KLHL32: variants seen among roughly 807,000 people sequenced by gnomAD.
KLHL32 encodes the protein kelch-like protein 32.
In KLHL32, 35 loss-of-function variants were observed where a neutral mutation model predicts 64.8. That is an observed-to-expected ratio of 0.54 (90% confidence interval 0.41 to 0.72). KLHL32 has a LOEUF of 0.72. Among genes scored for constraint, KLHL32 ranks in the 30% least tolerant of loss-of-function variants. The pLI is 0.00. For missense variants in KLHL32, 589 were observed against 768.5 expected (o/e 0.77, Z 2.76); for synonymous variants, 259 against 281.0 (o/e 0.92, Z 0.78).
At chr6:97,073,983 G>A (rs1222806314) in intron 5 of KLHL32, among the ~76,000 whole-genome samples, 1 of 152,162 alleles carries the variant, frequency 6.6e-6, no homozygotes, top group Non-Finnish European at 1.5e-5. Flanking sequence ...GCTTGTCTGT[G>A]TCATGGACTT....
chr6:96,924,022 GTAGTAACCA>G (rs762401512), upstream of KLHL32, among the ~76,000 whole-genome samples: 8 of 152,170 alleles, frequency 5.3e-5, no homozygotes, highest in Non-Finnish European at 8.8e-5. Context: ...TGCTGAATTA[GTAGTAACCA>G]CAGTAATCAC....
intron 3 of KLHL32, among the ~76,000 whole-genome samples, chr6:97,015,020 A>T (rs960071390): frequency 1.3e-5 from 2 of 152,012 alleles, no homozygotes; most frequent in Non-Finnish European, 2.9e-5. Context: ...AGGAGATCTG[A>T]TGGTTTTATA....
At chr6:97,025,161 T>C (rs1337565173) in intron 3 of KLHL32, 1 of 964,816 alleles carries the variant, frequency 1.0e-6, no homozygotes, top group African/African-American at 1.8e-5. Context: ...GTATAAAGAA[T>C]TATTGGAATC....
At chr6:97,032,926 G>A (rs1025815136) in intron 3 of KLHL32, among the ~76,000 whole-genome samples, 1 of 145,696 alleles carries the variant, frequency 6.9e-6, no homozygotes, top group African/African-American at 2.6e-5. Flanking sequence ...GCAATTTCCT[G>A]TTAGCTTTTT....
At chr6:97,017,237 G>A (rs547995889) in intron 3 of KLHL32, among the ~76,000 whole-genome samples, 1 of 152,334 alleles carries the variant, frequency 6.6e-6, no homozygotes, top group South Asian at 2.1e-4. Context: ...ATGTCCTTGA[G>A]ATTTAGGAGA....
At chr6:96,971,395 A>T (rs917601922) in intron 2 of KLHL32, among the ~76,000 whole-genome samples, 2 of 152,220 alleles carry the variant, frequency 1.3e-5, no homozygotes, top group African/African-American at 4.8e-5. Context: ...TAAAGCAGTG[A>T]TTCAGTCTGA....
chr6:97,107,417 A>G (rs1462507103), intron 6 of KLHL32, among the ~76,000 whole-genome samples: 1 of 137,200 alleles, frequency 7.3e-6, no homozygotes, highest in Non-Finnish European at 1.5e-5. Flanking sequence ...AGTTAAAAAC[A>G]GTTTCTAGTT....
At chr6:96,982,179 T>C (rs188590509) in intron 3 of KLHL32, among the ~76,000 whole-genome samples, 1 of 152,242 alleles carries the variant, frequency 6.6e-6, no homozygotes, top group East Asian at 1.9e-4. Flanking sequence ...TATTATGTGG[T>C]TATTTAAGTC....
chr6:96,946,993 G>GA (rs1430925240), intron 1 of KLHL32, among the ~76,000 whole-genome samples: 1 of 152,150 alleles, frequency 6.6e-6, no homozygotes, highest in Non-Finnish European at 1.5e-5. Flanking sequence ...TAGTCATTGT[G>GA]AAAAAAGCAG....
chr6:96,972,551 G>T (rs777344598), intron 2 of KLHL32, among the ~76,000 whole-genome samples: 89 of 152,206 alleles, frequency 5.8e-4, no homozygotes, highest in Non-Finnish European at 1.6e-4. Context: ...ACTCACTGAT[G>T]AATTTTGAGG....
intron 5 of KLHL32, among the ~76,000 whole-genome samples, chr6:97,073,672 T>G (rs1394365925): frequency 1.3e-5 from 2 of 152,256 alleles, no homozygotes; most frequent in East Asian, 3.9e-4. Context: ...ACTTTGATTA[T>G]AAAGTTGCAT....
intron 3 of KLHL32, among the ~76,000 whole-genome samples, chr6:96,993,571 A>G (rs1426569151): frequency 6.6e-6 from 1 of 152,200 alleles, no homozygotes. Context: ...GGTGTACAAA[A>G]GGGCATAGAC....
In KLHL32 at chr6:96,964,581, A is replaced by G. The variant is rs533689682; in HGVS notation, c.-65-2415A>G. ...GGCAGGAGAATGGCGTGAACCCGGG[A>G]GGCGGAGCTTGCAGTGAGCCGAGAT... On this transcript the variant is annotated intron_variant, in intron 1 of 10. Transcript: ENST00000369261. Among the ~76,000 whole-genome samples the G allele has an allele frequency of 1.2e-4, 19 of 152,320 alleles. No individual in the cohort carries two copies. In the South Asian group the frequency reaches 3.7e-3, roughly 30 times the overall value.
intron 5 of KLHL32, among the ~76,000 whole-genome samples, chr6:97,072,892 A>G: frequency 6.6e-6 from 1 of 152,088 alleles, no homozygotes; most frequent in East Asian, 1.9e-4. Flanking sequence ...TTATGTCCCA[A>G]AGTTGTGTGA....
intron 3 of KLHL32, among the ~76,000 whole-genome samples, chr6:96,989,271 T>C (rs1777552158): frequency 6.6e-6 from 1 of 152,230 alleles, no homozygotes; most frequent in Admixed American, 6.5e-5. Flanking sequence ...CTCCCTTAAG[T>C]GCCTATGTTA....
chr6:97,122,728 A>T (rs1238299161), intron 7 of KLHL32, among the ~76,000 whole-genome samples: 3 of 152,146 alleles, frequency 2.0e-5, no homozygotes, highest in Non-Finnish European at 4.4e-5. Context: ...TATGCTTTGC[A>T]CTCTAGTTCA....
the KLHL32 span, among the ~76,000 whole-genome samples, chr6:96,904,865 C>G: frequency 6.6e-6 from 1 of 152,152 alleles, no homozygotes; most frequent in Non-Finnish European, 1.5e-5. Flanking sequence ...ATAATTCTTT[C>G]CCCATAAACA....
Position 97,113,846 on chromosome 6 carries a change from A to G in KLHL32, c.691A>G (p.Ile231Val). 1 of 1,614,040 alleles carries G rather than the reference A, an allele frequency of 6.2e-7. No homozygotes were observed. The highest frequency in any genetic ancestry group is 1.1e-5 in the South Asian group (1 of 91,078). The change falls in exon 7 of 11, where the codon ATC (isoleucine) becomes GTC (valine). Residue 231 changes from isoleucine (I) to valine (V), a missense_variant. Transcript: ENST00000369261. The stretch of plus-strand genomic sequence containing the variant: ...GTACATGGACGAGCTCCTGCAATAC[A>G]TCCGCTTTGGCCTAATGGATGTGGA... ...YQYMDELLQYIRFGLMDVDTL... is the reference protein window; with the variant it reads ...YQYMDELLQYVRFGLMDVDTL...
chr6:97,105,311 A>G, intron 6 of KLHL32: 1 of 391,718 alleles, frequency 2.6e-6, no homozygotes, highest in Non-Finnish European at 5.2e-6. Context: ...ATTCTATTAA[A>G]ACACGCTTTC....
Sources: allele counts gnomAD v4.1 joint callset (sites outside exome capture counted in the v4.1 genomes callset), GRCh38; gene constraint gnomAD v4.1.1; transcripts MANE v1.5; gene names NCBI Gene and HGNC (gene_info 2026-07-23, HGNC 2026-07-21).